CRPPA: variants seen among roughly 807,000 people sequenced by gnomAD.
CRPPA encodes D-ribitol-5-phosphate cytidylyltransferase.
In CRPPA, 43 loss-of-function variants were observed where a neutral mutation model predicts 52.0. That is an observed-to-expected ratio of 0.83 (90% confidence interval 0.65 to 1.07). CRPPA has a LOEUF of 1.07. Ranked by LOEUF, CRPPA falls within the 50% of genes least tolerant of loss-of-function variation. CRPPA has a pLI of 0.00. For missense variants in CRPPA, 629 were observed against 551.7 expected, an observed-to-expected ratio of 1.14 and a Z score of -1.40; for synonymous variants, 250 against 203.5, an observed-to-expected ratio of 1.23 and a Z score of -1.94.
chr7:16,354,276 C>T (rs1283522290), intron 3 of CRPPA, among the ~76,000 whole-genome samples: 1 of 152,074 alleles, frequency 6.6e-6, no homozygotes, highest in Admixed American at 6.5e-5. Context: ...ATTGAAAATG[C>T]AACATTCAAT....
chr7:16,221,119 A>C (rs1469412784), intron 8 of CRPPA, among the ~76,000 whole-genome samples: 5 of 152,230 alleles, frequency 3.3e-5, no homozygotes. Context: ...GGAACAGAAC[A>C]GAGCCCTCAG....
intron 3 of CRPPA, among the ~76,000 whole-genome samples, chr7:16,372,021 T>C (rs542096247): frequency 6.6e-6 from 1 of 151,156 alleles, no homozygotes; most frequent in Non-Finnish European, 1.5e-5. Flanking sequence ...AAAAAAAAAA[T>C]TTTAAAAAAA....
At chr7:16,189,925 T>C (rs980108379) in intron 9 of CRPPA, among the ~76,000 whole-genome samples, 11 of 152,196 alleles carry the variant, frequency 7.2e-5, no homozygotes, top group Non-Finnish European at 1.3e-4. Context: ...TACCCATCTT[T>C]CTTTTTCTCA....
At chr7:16,395,498 A>G (rs563720446) in intron 2 of CRPPA, among the ~76,000 whole-genome samples, 1 of 152,364 alleles carries the variant, frequency 6.6e-6, no homozygotes, top group South Asian at 2.1e-4. Context: ...AAAGCTAATC[A>G]TTGGGAATTA....
intron 8 of CRPPA, among the ~76,000 whole-genome samples, chr7:16,222,445 TAAA>T (rs1243310950): frequency 7.1e-6 from 1 of 140,146 alleles, no homozygotes; most frequent in African/African-American, 2.6e-5. Context: ...AAAGTATAAT[TAAA>T]AAAAAAAAAG....
chr7:16,233,252 AAAC>A lies in CRPPA; in HGVS notation c.1120-17058_1120-17056del, dbSNP rs535735886. 3.3e-5 allele frequency among the ~76,000 whole-genome samples: 5 copies of A among 152,286 alleles called. No homozygotes were observed. The East Asian group carries it at 7.7e-4, about 24-fold the overall frequency. ...AATAAGAGTTGCCAGTAAGTTGGGA[AAAC>A]AACAGAAAAACATTTGAATAATTAA... On this transcript the variant is annotated intron_variant, in intron 8 of 9. Transcript: ENST00000407010.
At chr7:16,272,831 C>T (rs559790592) in intron 6 of CRPPA, among the ~76,000 whole-genome samples, 1 of 152,112 alleles carries the variant, frequency 6.6e-6, no homozygotes, top group Admixed American at 6.5e-5. Flanking sequence ...ATTGACATGA[C>T]CTCAGGCAAA....
intron 9 of CRPPA, among the ~76,000 whole-genome samples, chr7:16,178,196 T>TGTAAGATTC (rs1781343876): frequency 6.6e-6 from 1 of 152,104 alleles, no homozygotes; most frequent in Non-Finnish European, 1.5e-5. Context: ...AGTGCTTATT[T>TGTAAGATTC]GTAAGATTCT....
intron 9 of CRPPA, among the ~76,000 whole-genome samples, chr7:16,145,144 C>T (rs1433135036): frequency 1.3e-5 from 2 of 152,238 alleles, no homozygotes; most frequent in African/African-American, 4.8e-5. Flanking sequence ...GGCTCCATCC[C>T]TGTTCTACCA....
chr7:16,252,891 T>C (rs1214677456), intron 8 of CRPPA, among the ~76,000 whole-genome samples: 4 of 152,186 alleles, frequency 2.6e-5, no homozygotes, highest in South Asian at 2.1e-4. Flanking sequence ...TTTATTTGAG[T>C]AGAGGTGTTC....
At chr7:16,332,651 T>C (rs1327775282) in intron 3 of CRPPA, among the ~76,000 whole-genome samples, 1 of 151,954 alleles carries the variant, frequency 6.6e-6, no homozygotes, top group African/African-American at 2.4e-5. Flanking sequence ...GGGAAAGCTA[T>C]TACTGAGAGA....
rs144878074 is a variant in CRPPA, at chr7:16,310,892, G to A, written c.685-2265C>T. On this transcript the variant is annotated intron_variant, in intron 3 of 9. Coordinates refer to ENST00000407010, the MANE Select transcript of CRPPA (RefSeq NM_001101426.4). ...GAAGCAAATTAATCACAATTCTTGG[G>A]GTAATGATTTTAAACATAGAATTCT... Among the ~76,000 whole-genome samples the A allele has an allele frequency of 5.9e-4, 90 of 152,156 alleles. 1 individual carries two copies. Among genetic ancestry groups the A allele is most frequent in the African/African-American group, 2.1e-3 (89 of 41,544 alleles).
intron 9 of CRPPA, among the ~76,000 whole-genome samples, chr7:16,169,025 T>C (rs1387227973): frequency 6.6e-6 from 1 of 152,186 alleles, no homozygotes; most frequent in African/African-American, 2.4e-5. Flanking sequence ...AGTTTATGAA[T>C]GTAAGATTTT....
At chr7:16,162,294 A>G (rs886573333) in intron 9 of CRPPA, among the ~76,000 whole-genome samples, 7 of 152,108 alleles carry the variant, frequency 4.6e-5, no homozygotes, top group Admixed American at 1.3e-4. Flanking sequence ...GATCTTTCCT[A>G]CTTTCTCCTG....
intron 9 of CRPPA, among the ~76,000 whole-genome samples, chr7:16,144,154 T>A (rs542807878): frequency 5.3e-5 from 8 of 152,330 alleles, no homozygotes; most frequent in Non-Finnish European, 7.4e-5. Flanking sequence ...AGCTTCAGAA[T>A]AGAAACAATG....
At chr7:16,389,928 A>AAT (rs1202579530) in intron 2 of CRPPA, among the ~76,000 whole-genome samples, 330 of 29,756 alleles carry the variant, frequency 0.011, 6 homozygotes, top group Non-Finnish European at 0.013. Flanking sequence ...AAAAAAAAAA[A>AAT]ATATATATAT....
intron 9 of CRPPA, among the ~76,000 whole-genome samples, chr7:16,132,135 A>G (rs1243056795): frequency 7.5e-6 from 1 of 132,754 alleles, no homozygotes; most frequent in African/African-American, 2.5e-5. Flanking sequence ...GCCTAGAGAA[A>G]AGAATATGGA....
chr7:16,094,140 T>A (rs1562499857), intron 9 of CRPPA, among the ~76,000 whole-genome samples: 1 of 152,168 alleles, frequency 6.6e-6, no homozygotes, highest in South Asian at 2.1e-4. Context: ...ATTTAAGATG[T>A]CCTTTTAAAG....
intron 8 of CRPPA, among the ~76,000 whole-genome samples, chr7:16,231,480 G>A (rs1169154108): frequency 6.6e-6 from 1 of 151,974 alleles, no homozygotes; most frequent in African/African-American, 2.4e-5. Flanking sequence ...TATGATTTGT[G>A]GTCATATATC....
Sources: allele counts gnomAD v4.1 joint callset (sites outside exome capture counted in the v4.1 genomes callset), GRCh38; gene constraint gnomAD v4.1.1; transcripts MANE v1.5; gene names NCBI Gene and HGNC (gene_info 2026-07-23, HGNC 2026-07-21).